Variants in NYAP2 observed in about 807,000 individuals in gnomAD.
NYAP2 encodes neuronal tyrosine-phosphorylated phosphoinositide-3-kinase adapter 2.
A neutral mutation model predicts 50.4 loss-of-function variants in NYAP2; 23 were observed. The observed-to-expected ratio is 0.46, with a 90% confidence interval of 0.33 to 0.65. The LOEUF (loss-of-function observed/expected upper bound fraction) is 0.65. NYAP2 is among the 30% of genes least tolerant of loss of function. The pLI is 0.02. For missense variants in NYAP2, 885 were observed against 861.0 expected (o/e 1.03, Z -0.35); for synonymous variants, 394 against 365.2 (o/e 1.08, Z -0.90).
At chr2:225,473,909 C>A (rs908293546) in intron 3 of NYAP2, among the ~76,000 whole-genome samples, 118 of 152,202 alleles carry the variant, frequency 7.8e-4, no homozygotes, top group Non-Finnish European at 1.4e-3. Context: ...AATGGTATTG[C>A]CTAGGTTTTC....
intron 3 of NYAP2, among the ~76,000 whole-genome samples, chr2:225,478,082 A>C (rs1424392165): frequency 6.6e-6 from 1 of 152,190 alleles, no homozygotes; most frequent in Non-Finnish European, 1.5e-5. Flanking sequence ...TAAGGAACAT[A>C]AGTCATTAAT....
Position 225,582,856 on chromosome 2 carries a change from T to C in NYAP2, c.1439T>C (p.Val480Ala). ...GTGCCTCACTCGACCCCCAGACCCG[T>C]GTCGCAAGATGGGGCCAAGATGGTC... Residue 480 changes from valine to alanine, a missense_variant, in exon 5 of 7, where the codon GTG becomes GCG. Val to Ala is a moderately conservative substitution (Grantham distance 64, BLOSUM62 0). Transcript: ENST00000636099. This position sits in a 1 kb window ranked among gnomAD's most constrained non-coding sequence, Gnocchi z 7.0. 6.2e-7 allele frequency: 1 copy of C among 1,613,688 alleles called. No individual in the cohort carries two copies. Among genetic ancestry groups the C allele is most frequent in the Non-Finnish European group, 8.5e-7 (1 of 1,179,850 alleles).
At chr2:225,645,130 C>T (rs1318367092) in intron 6 of NYAP2, among the ~76,000 whole-genome samples, 1 of 151,664 alleles carries the variant, frequency 6.6e-6, no homozygotes, top group Admixed American at 6.6e-5. Flanking sequence ...TGGTGGCATG[C>T]ACCTATAGTT....
At chr2:225,402,978 A>G (rs1357472879) in intron 2 of NYAP2, among the ~76,000 whole-genome samples, 1 of 152,060 alleles carries the variant, frequency 6.6e-6, no homozygotes, top group African/African-American at 2.4e-5. Flanking sequence ...TAATTTGCAT[A>G]TGTATTTTAC....
intron 5 of NYAP2, among the ~76,000 whole-genome samples, chr2:225,592,205 G>C (rs528132072): frequency 6.6e-6 from 1 of 152,114 alleles, no homozygotes; most frequent in Non-Finnish European, 1.5e-5. Flanking sequence ...TGTCAGATAC[G>C]CAGTACTGAG....
At chr2:225,619,432 AT>A (rs1322749025) in intron 5 of NYAP2, among the ~76,000 whole-genome samples, 1 of 152,178 alleles carries the variant, frequency 6.6e-6, no homozygotes, top group Non-Finnish European at 1.5e-5. Flanking sequence ...CTTAAAAGAG[AT>A]CTTCAGGTGG....
At chr2:225,449,100 A>G (rs1689607907) in intron 3 of NYAP2, among the ~76,000 whole-genome samples, 1 of 152,224 alleles carries the variant, frequency 6.6e-6, no homozygotes, top group East Asian at 1.9e-4. Flanking sequence ...ATATTTATTG[A>G]GCATCTGCTA....
intron 3 of NYAP2, among the ~76,000 whole-genome samples, chr2:225,500,054 A>C (rs1347489070): frequency 3.3e-5 from 5 of 152,234 alleles, no homozygotes; most frequent in Non-Finnish European, 7.3e-5. Flanking sequence ...TTGTTAAGAG[A>C]TATTGAGTCA....
Position 225,542,899 on chromosome 2 carries a change from C to A in NYAP2, c.523+29227C>A, listed in dbSNP as rs192279938. ...AGCAATAAAGCCATCAGGTCACAGG[C>A]TTTTCTTTGTTGGAAAAATTTGTGT... On this transcript the variant is annotated intron_variant, in intron 4 of 6. Coordinates refer to ENST00000636099, the Ensembl canonical transcript of NYAP2. Among the ~76,000 whole-genome samples, 5 of 152,112 alleles carry A rather than the reference C, an allele frequency of 3.3e-5. No homozygotes were observed. The East Asian group carries it at 5.8e-4, about 18-fold the overall frequency.
intron 6 of NYAP2, among the ~76,000 whole-genome samples, chr2:225,640,507 C>T (rs1318837085): frequency 2.6e-5 from 4 of 152,152 alleles, no homozygotes; most frequent in Admixed American, 2.6e-4. Context: ...GCAAGGGAGC[C>T]TTAGTGCCTC....
At chr2:225,515,927 A>G (rs1690923902) in intron 4 of NYAP2, among the ~76,000 whole-genome samples, 1 of 152,204 alleles carries the variant, frequency 6.6e-6, no homozygotes, top group Admixed American at 6.5e-5. Flanking sequence ...GAGAAGAGAG[A>G]TGAGAAGGAC....
downstream of NYAP2, among the ~76,000 whole-genome samples, chr2:225,654,298 A>T (rs1054801135): frequency 6.6e-6 from 1 of 151,936 alleles, no homozygotes; most frequent in African/African-American, 2.4e-5. Context: ...CAACACCAAG[A>T]CTCCTGGTAG....
chr2:225,545,944 T>C (rs1335683259), intron 4 of NYAP2, among the ~76,000 whole-genome samples: 1 of 152,180 alleles, frequency 6.6e-6, no homozygotes, highest in East Asian at 1.9e-4. Flanking sequence ...GACTCATAGA[T>C]GTACTGCCTT....
At position 225,543,100 on chromosome 2, in the gene NYAP2, G is replaced by T. The variant is rs1421132736; in HGVS notation, c.523+29428G>T. ...AATCATTTGAATTTCTGCATTGTTG[G>T]TTGTAATATCTTCTTTATCATATCT... On this transcript the variant is annotated intron_variant, in intron 4 of 6. Coordinates refer to ENST00000636099, the Ensembl canonical transcript of NYAP2. 2.0e-5 allele frequency among the ~76,000 whole-genome samples: 3 copies of T among 151,714 alleles called. No individual in the cohort carries two copies. The East Asian group carries it at 5.8e-4, about 29-fold the overall frequency.
At chr2:225,521,082 C>A (rs36015792) in intron 4 of NYAP2, among the ~76,000 whole-genome samples, 75,144 of 132,688 alleles carry the variant, frequency 0.57, 22,355 homozygotes, top group African/African-American at 0.74. Flanking sequence ...TTTGTCTGTT[C>A]TTGGTGTATA....
At chr2:225,484,618 G>C (rs1690259003) in intron 3 of NYAP2, among the ~76,000 whole-genome samples, 1 of 152,192 alleles carries the variant, frequency 6.6e-6, no homozygotes, top group African/African-American at 2.4e-5. Context: ...GTCCTGATGA[G>C]ACATCTTTTA....
intron 3 of NYAP2, among the ~76,000 whole-genome samples, chr2:225,437,696 A>G (rs1689403950): frequency 1.3e-5 from 2 of 152,214 alleles, no homozygotes; most frequent in African/African-American, 4.8e-5. Flanking sequence ...ACAGTGGGCT[A>G]TGTGCTTCAC....
intron 3 of NYAP2, among the ~76,000 whole-genome samples, chr2:225,476,412 C>CA (rs61496030): frequency 0.16 from 15,121 of 97,236 alleles, 847 homozygotes; most frequent in South Asian, 0.19. Flanking sequence ...GACTCTGTCT[C>CA]AAAAAAAAAA....
At chr2:225,506,103 A>G (rs577635858) in intron 3 of NYAP2, among the ~76,000 whole-genome samples, 2 of 152,348 alleles carry the variant, frequency 1.3e-5, no homozygotes, top group South Asian at 2.1e-4. Context: ...GCAAAGATAA[A>G]GGAGAATGCA....
Sources: allele counts gnomAD v4.1 joint callset (sites outside exome capture counted in the v4.1 genomes callset), GRCh38; gene constraint gnomAD v4.1.1; non-coding constraint Gnocchi (gnomAD v3.1); transcripts MANE v1.5; gene names NCBI Gene and HGNC (gene_info 2026-07-23, HGNC 2026-07-21).